RIF1: variants seen among roughly 807,000 people sequenced by gnomAD.
RIF1 encodes replication timing regulatory factor 1, also known as telomere-associated protein RIF1.
In RIF1, 45 loss-of-function variants were observed where a neutral mutation model predicts 247.1. The ratio of observed to expected loss-of-function variants is 0.18; its 90% CI spans 0.14 to 0.23. RIF1 has a LOEUF of 0.23. RIF1 is among the 10% of genes least tolerant of loss of function. RIF1 has a pLI of 1.00. For synonymous variants in RIF1, 1,087 were observed against 978.8 expected (o/e 1.11, Z -2.06); for missense variants, 2,967 against 2,862.5 (o/e 1.04, Z -0.83).
the RIF1 span, among the ~76,000 whole-genome samples, chr2:151,515,180 G>A: frequency 2.6e-5 from 4 of 152,142 alleles, no homozygotes; most frequent in African/African-American, 4.8e-5. Flanking sequence ...TGTGACTGGG[G>A]CAGGCCCTTC....
At chr2:151,473,365 C>T (rs952899387) in intron 34 of RIF1, among the ~76,000 whole-genome samples, 6 of 147,114 alleles carry the variant, frequency 4.1e-5, no homozygotes, top group Admixed American at 2.1e-4. Context: ...GGCATGATCT[C>T]GGCCCACTGC....
the RIF1 span, chr2:151,526,359 T>A: frequency 1.4e-5 from 12 of 835,416 alleles, no homozygotes; most frequent in Non-Finnish European, 2.2e-5. Flanking sequence ...GCGTTGACAA[T>A]ACTAAACTCA....
Position 151,463,305 on chromosome 2 carries a change from T to C in RIF1, c.3785T>C (p.Leu1262Pro). Residue 1262 changes from leucine (L) to proline (P), a missense_variant, in exon 30 of 36, where the codon CTA becomes CCA. Physicochemically the swap from Leu to Pro is moderately conservative, Grantham distance 98. Coordinates refer to ENST00000444746, the MANE Select transcript of RIF1 (RefSeq NM_018151.5). ...GAAACCATGATTAAAACAGATTTTC[T>C]ACCAAAAGCAAAGCAAAGAGAAGGG... ...NQETMIKTDF[L>P]PKAKQREGTF... 5 of 1,612,846 alleles carry C rather than the reference T, an allele frequency of 3.1e-6. No homozygotes were observed. The highest frequency in any genetic ancestry group is 4.2e-6 in the Non-Finnish European group (5 of 1,179,696).
At chr2:151,506,259 C>T in exon 13 of RIF1, 3 of 1,608,484 alleles carry the variant, frequency 1.9e-6, no homozygotes, top group Non-Finnish European at 2.6e-6. Flanking sequence ...TATATAAAAC[C>T]TGGGCATTCA....
chr2:151,499,464 C>G, exon 11 of RIF1: 1 of 791,716 alleles, frequency 1.3e-6, no homozygotes, highest in South Asian at 1.5e-5. Flanking sequence ...TTGTGGGGAA[C>G]CTGGTATAAA....
At chr2:151,455,457 C>G (rs1289532164) in intron 22 of RIF1, among the ~76,000 whole-genome samples, 2 of 152,158 alleles carry the variant, frequency 1.3e-5, no homozygotes, top group Admixed American at 6.5e-5. Flanking sequence ...GGAAAGCTTA[C>G]TTGGCATGCT....
intron 27 of RIF1, 79 bp downstream of exon 27, chr2:151,461,368 T>TTAGAA (rs1161096097): frequency 7.1e-7 from 1 of 1,408,464 alleles, no homozygotes; most frequent in Non-Finnish European, 9.8e-7. Context: ...AACTTTGTGT[T>TTAGAA]TAGAACTAAA....
At chr2:151,524,849 G>T in the RIF1 span, among the ~76,000 whole-genome samples, 45 of 151,634 alleles carry the variant, frequency 3.0e-4, no homozygotes, top group Middle Eastern at 3.4e-3. Context: ...TGTGTTTTTA[G>T]TAGAGACAGG....
At chr2:151,498,187 AAAAT>A (rs2061639498) in intron 10 of RIF1, 1 of 1,547,878 alleles carries the variant, frequency 6.5e-7, no homozygotes, top group Admixed American at 2.0e-5. Context: ...GCTTCAAACA[AAAAT>A]AAATAAATGT....
intron 7 of RIF1, among the ~76,000 whole-genome samples, chr2:151,420,884 A>G (rs1377586932): frequency 2.0e-5 from 3 of 152,178 alleles, no homozygotes; most frequent in South Asian, 4.1e-4. Flanking sequence ...GGAGCTATCT[A>G]TTGTTGCTAA....
chr2:151,491,717 G>A lies in RIF1; in HGVS notation c.*416-3512G>A, dbSNP rs1175197696. 1 of 1,598,372 alleles carries A rather than the reference G, an allele frequency of 6.3e-7. No individual in the cohort carries two copies. Among genetic ancestry groups the A allele is most frequent in the Non-Finnish European group, 8.5e-7 (1 of 1,171,978 alleles). ...TGTGTAAGCTTCGGGACTGGATGTT[G>A]TCTTCTGCTGGATCATAGTCAAAAA... On this transcript the variant is annotated intron_variant and NMD_transcript_variant, in intron 9 of 13. Coordinates refer to the RIF1 transcript ENST00000454583.
intron 12 of RIF1, chr2:151,503,328 A>G (rs764153053): frequency 6.5e-7 from 1 of 1,528,002 alleles, no homozygotes; most frequent in South Asian, 1.1e-5. Flanking sequence ...ATAGTTTCTT[A>G]TATGATATAT....
intron 12 of RIF1, chr2:151,503,295 T>C: frequency 1.6e-6 from 2 of 1,289,610 alleles, no homozygotes; most frequent in Non-Finnish European, 2.2e-6. Context: ...AGATGGGTTA[T>C]TGTGGTAAAT....
downstream of RIF1, among the ~76,000 whole-genome samples, chr2:151,482,902 A>G (rs965877644): frequency 6.6e-6 from 1 of 152,036 alleles, no homozygotes; most frequent in African/African-American, 2.4e-5. Context: ...TGTGCTGGCC[A>G]TTTTTGACAG....
chr2:151,438,881 G>A, intron 14 of RIF1, 135 bp downstream of exon 14: 1 of 581,548 alleles, frequency 1.7e-6, no homozygotes, highest in South Asian at 2.4e-5. Flanking sequence ...GTAGCTTCCA[G>A]TTTTTAATTT....
At chr2:151,500,241 T>C (rs1360405348) in intron 11 of RIF1, among the ~76,000 whole-genome samples, 2 of 152,108 alleles carry the variant, frequency 1.3e-5, no homozygotes, top group African/African-American at 2.4e-5. Flanking sequence ...AAGTTACTGA[T>C]CTAATTATGT....
At chr2:151,527,080 G>T in the RIF1 span, 3 of 1,178,730 alleles carry the variant, frequency 2.5e-6, no homozygotes, top group African/African-American at 3.0e-5. Flanking sequence ...AGGAAGCTGG[G>T]CATTTGATTA....
intron 21 of RIF1, among the ~76,000 whole-genome samples, chr2:151,454,444 A>T (rs537383205): frequency 6.6e-6 from 1 of 152,272 alleles, no homozygotes; most frequent in East Asian, 1.9e-4. Context: ...GTAGGGATCA[A>T]TGTACTATAG....
chr2:151,478,012 C>T lies in RIF1; in HGVS notation c.*2941C>T, dbSNP rs2049012609. ...GCGTGAGCCACCGCTCCTGGCCCAT[C>T]ATTTCCATATCTATGAAATCTATTT... On this transcript the variant is annotated 3_prime_UTR_variant, in exon 36 of 36. Coordinates refer to ENST00000444746, the MANE Select transcript of RIF1 (RefSeq NM_018151.5). 6.6e-6 allele frequency: 1 copy of T among 152,230 alleles called. No homozygotes were observed. The highest frequency in any genetic ancestry group is 1.5e-5 in the Non-Finnish European group (1 of 68,044). The allele number at this position is 152,230 out of a possible 1,614,324, so 9.4% of individuals were successfully genotyped here.
Sources: gnomAD v4.1 joint callset for allele counts (sites outside exome capture counted in the v4.1 genomes callset) on GRCh38, gnomAD v4.1.1 for gene constraint, MANE v1.5 for transcripts, NCBI Gene and HGNC (gene_info 2026-07-23, HGNC 2026-07-21) for gene names.